Variants in UNC13C observed in about 807,000 individuals in gnomAD.
The protein encoded by UNC13C is unc-13 homolog C.
UNC13C carries 174 observed loss-of-function variants against 245.4 expected under a neutral mutation model. The observed-to-expected ratio is 0.71, with a 90% CI of 0.63 to 0.80. The LOEUF is 0.80. Among genes scored for constraint, UNC13C ranks in the 30% least tolerant of loss-of-function variants. The probability of loss-of-function intolerance (pLI) is 0.00; values close to 1 mark genes in which losing one functional copy is unlikely to be tolerated. For synonymous variants in UNC13C, 992 were observed against 895.1 expected (o/e 1.11, Z -1.93); for missense variants, 2,829 against 2,602.9 (o/e 1.09, Z -1.89).
At chr15:53,988,475 G>A (rs568157748) in intron 1 of UNC13C, among the ~76,000 whole-genome samples, 1 of 151,882 alleles carries the variant, frequency 6.6e-6, no homozygotes, top group East Asian at 1.9e-4. Context: ...TACTTTGCTA[G>A]GTTGCACAGA....
At chr15:53,939,814 AGAG>A in the UNC13C span, among the ~76,000 whole-genome samples, 2 of 41,296 alleles carry the variant, frequency 4.8e-5, no homozygotes, top group Admixed American at 2.1e-4. Flanking sequence ...AGAAAGGACG[AGAG>A]AGAGAGAGAG....
chr15:54,097,918 G>A (rs1464468429), intron 2 of UNC13C, among the ~76,000 whole-genome samples: 1 of 152,202 alleles, frequency 6.6e-6, no homozygotes, highest in Non-Finnish European at 1.5e-5. Context: ...AAAAGAGTAA[G>A]CCTTCCTCTT....
intron 10 of UNC13C, among the ~76,000 whole-genome samples, chr15:54,270,214 C>T (rs1567149002): frequency 6.6e-6 from 1 of 152,078 alleles, no homozygotes; most frequent in Non-Finnish European, 1.5e-5. Context: ...TTCTCTTTTG[C>T]AGAAAGAAAT....
At chr15:53,914,696 A>T in the UNC13C span, 3 of 152,170 alleles carry the variant, frequency 2.0e-5, no homozygotes, top group Admixed American at 6.6e-5. Flanking sequence ...CTGCTGAATA[A>T]AATCATCTTT....
chr15:54,058,085 A>G (rs1352791024), intron 2 of UNC13C, among the ~76,000 whole-genome samples: 1 of 151,986 alleles, frequency 6.6e-6, no homozygotes, highest in Non-Finnish European at 1.5e-5. Flanking sequence ...TTCAAAAGCT[A>G]GCAGAAGGCA....
intron 22 of UNC13C, 131 bp downstream of exon 22, chr15:54,501,109 G>A (rs924842385): frequency 1.2e-6 from 1 of 860,412 alleles, no homozygotes; most frequent in Non-Finnish European, 1.7e-6. Context: ...AGTAAATTCA[G>A]TTGTTTCCAG....
chr15:54,060,060 A>C (rs1284355837), intron 2 of UNC13C, among the ~76,000 whole-genome samples: 2 of 152,214 alleles, frequency 1.3e-5, no homozygotes, highest in African/African-American at 4.8e-5. Context: ...GGCATGGGCA[A>C]GGACTTCATG....
At chr15:54,614,373 A>G (rs1900292578) in intron 30 of UNC13C, among the ~76,000 whole-genome samples, 1 of 151,954 alleles carries the variant, frequency 6.6e-6, no homozygotes, top group Non-Finnish European at 1.5e-5. Context: ...ATAGGCATCT[A>G]TTCAAAGAAT....
chr15:54,085,166 A>T lies in UNC13C; in HGVS notation c.2984-57852A>T, dbSNP rs184520258. On this transcript the variant is annotated intron_variant, in intron 2 of 32. Coordinates refer to ENST00000260323, the MANE Select transcript of UNC13C (RefSeq NM_001080534.3). ...GAAAATCTAGGTAAATAATTTACAG[A>T]TATCAGAGAACTAAGAAGCTAGTAG... is the stretch of plus-strand genomic sequence containing the variant. Among the ~76,000 whole-genome samples the T allele has an allele frequency of 1.9e-3, 295 of 152,298 alleles. 1 individual carries two copies. The highest frequency in any genetic ancestry group is 6.8e-3 in the African/African-American group (281 of 41,564).
the UNC13C span, among the ~76,000 whole-genome samples, chr15:53,955,192 C>T: frequency 6.6e-6 from 1 of 151,662 alleles, no homozygotes; most frequent in East Asian, 1.9e-4. Flanking sequence ...CCCTGCATAG[C>T]CACAGATGCT....
the UNC13C span, among the ~76,000 whole-genome samples, chr15:53,938,982 A>G: frequency 6.6e-6 from 1 of 152,190 alleles, no homozygotes; most frequent in Non-Finnish European, 1.5e-5. Flanking sequence ...GCAGAAGACA[A>G]GAAATAATCA....
chr15:54,593,848 T>C (rs1246476270), intron 30 of UNC13C, among the ~76,000 whole-genome samples: 1 of 152,188 alleles, frequency 6.6e-6, no homozygotes, highest in East Asian at 1.9e-4. Context: ...GATTTCTTCT[T>C]GGTTTAGATC....
chr15:54,293,173 A>T (rs2037345483), intron 10 of UNC13C, among the ~76,000 whole-genome samples: 1 of 151,876 alleles, frequency 6.6e-6, no homozygotes, highest in Non-Finnish European at 1.5e-5. Context: ...AGGAAAAGTG[A>T]TATACATCAG....
At chr15:54,203,431 C>A (rs1483634913) in intron 4 of UNC13C, among the ~76,000 whole-genome samples, 1 of 148,784 alleles carries the variant, frequency 6.7e-6, no homozygotes, top group Non-Finnish European at 1.5e-5. Flanking sequence ...GTCCAAATGC[C>A]CAACAATCAT....
intron 17 of UNC13C, among the ~76,000 whole-genome samples, chr15:54,386,586 A>G (rs1331536556): frequency 6.6e-6 from 1 of 152,200 alleles, no homozygotes; most frequent in Non-Finnish European, 1.5e-5. Context: ...GCAGCCATTG[A>G]CCAAATCCTT....
At chr15:54,260,219 G>C (rs910022583) in intron 8 of UNC13C, among the ~76,000 whole-genome samples, 4 of 152,146 alleles carry the variant, frequency 2.6e-5, no homozygotes, top group African/African-American at 9.7e-5. Context: ...AAAGAATTTT[G>C]TGAGGCATTT....
At chr15:54,505,741 A>AT (rs764558200) in intron 22 of UNC13C, among the ~76,000 whole-genome samples, 1 of 109,808 alleles carries the variant, frequency 9.1e-6, no homozygotes, top group Non-Finnish European at 1.8e-5. Context: ...TTTAAGCTAT[A>AT]TTCTTTTTTT....
the UNC13C span, among the ~76,000 whole-genome samples, chr15:53,939,812 CGA>C: frequency 0.15 from 22,623 of 150,078 alleles, 2,046 homozygotes; most frequent in Middle Eastern, 0.22. Context: ...AGAGAAAGGA[CGA>C]GAGAGAGAGA....
intron 4 of UNC13C, among the ~76,000 whole-genome samples, chr15:54,232,274 T>C (rs1443512279): frequency 6.6e-6 from 1 of 152,120 alleles, no homozygotes; most frequent in African/African-American, 2.4e-5. Flanking sequence ...TTCCAAATTA[T>C]AAAATGTAAG....
Sources: allele counts gnomAD v4.1 joint callset (sites outside exome capture counted in the v4.1 genomes callset), GRCh38; gene constraint gnomAD v4.1.1; transcripts MANE v1.5; gene names NCBI Gene and HGNC (gene_info 2026-07-23, HGNC 2026-07-21).